Variants in DPP6 observed in about 807,000 individuals in gnomAD.
DPP6 encodes dipeptidyl peptidase like 6, also known as A-type potassium channel modulatory protein DPP6.
DPP6 carries 69 observed loss-of-function variants against 122.6 expected under a neutral mutation model. The ratio of observed to expected loss-of-function variants is 0.56; its 90% confidence interval spans 0.46 to 0.69. The LOEUF (loss-of-function observed/expected upper bound fraction) is 0.69. DPP6 is among the 30% of genes least tolerant of loss of function. The pLI, the probability that DPP6 is intolerant of heterozygous loss-of-function variation, is 0.00. For missense variants in DPP6, 928 were observed against 1,116.9 expected (o/e 0.83, Z 2.41); for synonymous variants, 418 against 433.1 (o/e 0.97, Z 0.43).
At chr7:154,228,219 T>C (rs1800721258) in intron 1 of DPP6, among the ~76,000 whole-genome samples, 1 of 152,192 alleles carries the variant, frequency 6.6e-6, no homozygotes, top group South Asian at 2.1e-4. Flanking sequence ...GTGACTTTTG[T>C]CCCTATGAAT....
At chr7:154,575,445 T>TGTATGTGTGTGAGCGG (rs1831560206) in intron 5 of DPP6, among the ~76,000 whole-genome samples, 1 of 117,184 alleles carries the variant, frequency 8.5e-6, no homozygotes, top group African/African-American at 3.5e-5. Context: ...GTGTGTGGTG[T>TGTATGTGTGTGAGCGG]GTGTATGTGT....
At chr7:153,884,987 AATATATATATATAT>A (rs56329841), upstream of DPP6, among the ~76,000 whole-genome samples, 277 of 116,464 alleles carry the variant, frequency 2.4e-3, 6 homozygotes, top group Admixed American at 6.6e-3. Flanking sequence ...TCAAAACAAA[AATATATATATATAT>A]ATATATATAT....
At chr7:154,076,947 A>G (rs1308679312) in intron 1 of DPP6, among the ~76,000 whole-genome samples, 2 of 151,994 alleles carry the variant, frequency 1.3e-5, no homozygotes, top group Non-Finnish European at 2.9e-5. Context: ...GGACCGAAAA[A>G]CCACAGATTC....
At chr7:154,673,010 G>A (rs144711754) in intron 7 of DPP6, among the ~76,000 whole-genome samples, 2 of 152,116 alleles carry the variant, frequency 1.3e-5, no homozygotes, top group African/African-American at 4.8e-5. Context: ...TGCTGTCTTG[G>A]TTGTTCTCAT....
At chr7:154,388,019 TGTGCTGA>T (rs1814269228) in intron 1 of DPP6, among the ~76,000 whole-genome samples, 1 of 152,172 alleles carries the variant, frequency 6.6e-6, no homozygotes, top group Admixed American at 6.6e-5. Context: ...ACACAGTGAT[TGTGCTGA>T]GTGCAAAGGC....
Position 154,313,685 on chromosome 7 carries a change from G to GTGTGTGTGTGTGTATATATATA in DPP6, c.244-132528_244-132527insGTGTGTGTGTGTATATATATAT. On this transcript the variant is annotated intron_variant, in intron 1 of 25. Transcript: ENST00000377770. The stretch of plus-strand genomic sequence containing the variant: ...AAGCAACAAGATATTTTAAGATATG[G>GTGTGTGTGTGTGTATATATATA]TATATATATATATATATATATATAT... Among the ~76,000 whole-genome samples the GTGTGTGTGTGTGTATATATATA allele has an allele frequency of 2.9e-3, 59 of 20,466 alleles. 7 individuals carry two copies. The highest frequency in any genetic ancestry group is 6.7e-3 in the African/African-American group (53 of 7,880). The allele number at this position is 20,466 out of a possible 152,430, so 13.4% of individuals were successfully genotyped here. A position where few individuals can be genotyped will look rare whatever the true frequency, so the allele number is the denominator to read the frequency against.
At chr7:154,580,287 A>T (rs1402788504) in intron 5 of DPP6, among the ~76,000 whole-genome samples, 1 of 151,870 alleles carries the variant, frequency 6.6e-6, no homozygotes, top group Non-Finnish European at 1.5e-5. Context: ...TGCTCTTAGT[A>T]TATTTCCTCC....
intron 8 of DPP6, among the ~76,000 whole-genome samples, chr7:154,757,997 C>T (rs992641781): frequency 6.6e-6 from 1 of 152,228 alleles, no homozygotes; most frequent in Non-Finnish European, 1.5e-5. Flanking sequence ...CCGCCCTCTC[C>T]CGCCACGCAC....
At chr7:154,276,920 AAC>A (rs1314972473) in intron 1 of DPP6, among the ~76,000 whole-genome samples, 9 of 152,162 alleles carry the variant, frequency 5.9e-5, no homozygotes, top group African/African-American at 1.7e-4. Context: ...AAGCTTTTCC[AAC>A]ACACATATTC....
intron 7 of DPP6, among the ~76,000 whole-genome samples, chr7:154,674,072 C>T (rs2131129584): frequency 6.6e-6 from 1 of 152,194 alleles, no homozygotes; most frequent in Admixed American, 6.5e-5. Context: ...GATGGGGTTT[C>T]ACCGTTTTGG....
chr7:154,234,177 G>A (rs1228148573), intron 1 of DPP6, among the ~76,000 whole-genome samples: 2 of 152,180 alleles, frequency 1.3e-5, no homozygotes, highest in Non-Finnish European at 2.9e-5. Context: ...TTCAGATAGA[G>A]GAAACAGCAG....
At chr7:154,471,771 TA>T (rs1822298171) in intron 2 of DPP6, among the ~76,000 whole-genome samples, 1 of 151,804 alleles carries the variant, frequency 6.6e-6, no homozygotes, top group African/African-American at 2.4e-5. Flanking sequence ...TTTAAATCAA[TA>T]GGGAAAAGAG....
intron 16 of DPP6, 46 bp from the exon 17 acceptor site, chr7:154,853,734 T>G (rs764881425): frequency 1.9e-6 from 3 of 1,603,766 alleles, no homozygotes; most frequent in Non-Finnish European, 8.5e-7. Context: ...GCTAAACTAA[T>G]GGCTTCGTTT....
chr7:154,803,903 G>A lies in DPP6; in HGVS notation c.1447G>A (p.Gly483Arg), dbSNP rs758939511. Residue 483 changes from glycine to arginine, a missense_variant, in exon 14 of 26, where the codon GGG becomes AGG. Transcript: ENST00000377770. ...SNDNIQSITS[G>R]DWDVTKILAY... ...CGACAACATCCAGTCCATCACCTCC[G>A]GGGACTGGGACGTGACCAAGATCCT... 5.0e-6 allele frequency: 8 copies of A among 1,613,766 alleles called. No homozygotes were observed. The highest frequency in any genetic ancestry group is 1.3e-5 in the African/African-American group (1 of 74,936).
chr7:153,941,743 G>A (rs1233724812), intron 1 of DPP6, among the ~76,000 whole-genome samples: 9 of 152,202 alleles, frequency 5.9e-5, no homozygotes, highest in Non-Finnish European at 2.9e-5. Context: ...CAGGTACACA[G>A]CAAGGTAAGA....
intron 1 of DPP6, among the ~76,000 whole-genome samples, chr7:154,407,874 C>G (rs966605186): frequency 6.6e-5 from 10 of 152,184 alleles, no homozygotes; most frequent in African/African-American, 2.2e-4. Context: ...GATTCTCCAT[C>G]AGGACTGCCA....
chr7:154,212,756 A>G (rs549980140), intron 1 of DPP6, among the ~76,000 whole-genome samples: 1 of 152,320 alleles, frequency 6.6e-6, no homozygotes, highest in South Asian at 2.1e-4. Flanking sequence ...GAAAATCACA[A>G]TCAGCTGGGA....
At chr7:154,817,000 C>T (rs1047818786) in intron 16 of DPP6, among the ~76,000 whole-genome samples, 2 of 152,156 alleles carry the variant, frequency 1.3e-5, no homozygotes, top group Admixed American at 1.3e-4. Flanking sequence ...AGCACCTGCC[C>T]GTTCCTTCTG....
intron 1 of DPP6, among the ~76,000 whole-genome samples, chr7:154,303,588 G>A (rs1806055124): frequency 6.6e-6 from 1 of 152,132 alleles, no homozygotes; most frequent in Non-Finnish European, 1.5e-5. Context: ...GACAAGCTGA[G>A]AACTGATACC....
Sources: gnomAD v4.1 joint callset for allele counts (sites outside exome capture counted in the v4.1 genomes callset) on GRCh38, gnomAD v4.1.1 for gene constraint, MANE v1.5 for transcripts, NCBI Gene and HGNC (gene_info 2026-07-23, HGNC 2026-07-21) for gene names.